The following GALNTL6 variants were observed in gnomAD, a reference collection of about 807,000 sequenced individuals.
GALNTL6 encodes the protein polypeptide N-acetylgalactosaminyltransferase like 6.
In GALNTL6, 46 loss-of-function variants were observed where a neutral mutation model predicts 73.7. That is an observed-to-expected ratio of 0.62 (90% CI 0.49 to 0.80). The LOEUF (loss-of-function observed/expected upper bound fraction) is 0.80, where lower values mean the gene tolerates loss of function less well. GALNTL6 is among the 30% of genes least tolerant of loss of function. The probability of loss-of-function intolerance (pLI) is 0.00; values close to 1 mark genes in which losing one functional copy is unlikely to be tolerated. For synonymous variants in GALNTL6, 259 were observed against 263.7 expected (o/e 0.98, Z 0.17); for missense variants, 604 against 755.0 (o/e 0.80, Z 2.34).
chr4:172,478,594 G>A (rs1733325563), intron 5 of GALNTL6, among the ~76,000 whole-genome samples: 1 of 152,120 alleles, frequency 6.6e-6, no homozygotes, highest in Non-Finnish European at 1.5e-5. Context: ...CTGGACATAG[G>A]CCTAGGCAAA....
chr4:172,069,607 A>ATATAACACATATATGTGT (rs1731491007), intron 2 of GALNTL6, among the ~76,000 whole-genome samples: 1 of 60,720 alleles, frequency 1.6e-5, no homozygotes, highest in Non-Finnish European at 3.6e-5. Flanking sequence ...CATATATGTT[A>ATATAACACATATATGTGT]TATATATATA....
chr4:171,922,151 G>C (rs1469746570), intron 2 of GALNTL6, among the ~76,000 whole-genome samples: 1 of 151,762 alleles, frequency 6.6e-6, no homozygotes, highest in Non-Finnish European at 1.5e-5. Flanking sequence ...TATTCACACT[G>C]GTTTTTCTTT....
At chr4:172,657,343 G>T (rs934676746) in intron 5 of GALNTL6, among the ~76,000 whole-genome samples, 1 of 152,054 alleles carries the variant, frequency 6.6e-6, no homozygotes, top group Non-Finnish European at 1.5e-5. Flanking sequence ...TGATGATTCC[G>T]CAGAACAGCA....
At chr4:172,417,136 G>C (rs983341711) in intron 5 of GALNTL6, among the ~76,000 whole-genome samples, 1 of 151,802 alleles carries the variant, frequency 6.6e-6, no homozygotes, top group East Asian at 1.9e-4. Flanking sequence ...CTAAAAACTC[G>C]GTCATTCCTG....
intron 2 of GALNTL6, among the ~76,000 whole-genome samples, chr4:171,909,874 A>T (rs1737421890): frequency 6.6e-6 from 1 of 152,186 alleles, no homozygotes; most frequent in Non-Finnish European, 1.5e-5. Context: ...TTTGCTGTAG[A>T]TTAAAATAAT....
At chr4:172,995,480 A>T (rs976411276) in intron 10 of GALNTL6, among the ~76,000 whole-genome samples, 2 of 152,218 alleles carry the variant, frequency 1.3e-5, no homozygotes, top group African/African-American at 4.8e-5. Flanking sequence ...CGCAGGTTCA[A>T]GTGGAGCACA....
At position 171,945,660 on chromosome 4, in the gene GALNTL6, T is replaced by A. The variant is rs538328851; in HGVS notation, c.138+130942T>A. Among the ~76,000 whole-genome samples, 5 of 152,240 alleles carry A rather than the reference T, an allele frequency of 3.3e-5. No homozygotes were observed. In the South Asian group the frequency reaches 1.0e-3, roughly 32 times the overall value. On this transcript the variant is annotated intron_variant, in intron 2 of 12. Transcript: ENST00000506823. ...AAGAATTTAAAATAATAGCATGACA[T>A]ACATAAAGTAAGATTTGTTCTTAGG...
chr4:172,466,156 A>G (rs1420198466), intron 5 of GALNTL6, among the ~76,000 whole-genome samples: 3 of 152,208 alleles, frequency 2.0e-5, no homozygotes, highest in Non-Finnish European at 4.4e-5. Context: ...GTGACTGTCT[A>G]GCAAAATCTC....
rs189824971 is a variant in GALNTL6 at position 172,373,057 on chromosome 4, G to A, written c.553+24368G>A. ...AGTACCCTGCTGGCATGAGGCTTCC[G>A]AACTGGTAGCCAAGAGCAAATCATC... On this transcript the variant is annotated intron_variant, in intron 5 of 12. Transcript: ENST00000506823. Among the ~76,000 whole-genome samples, 115 of 152,184 alleles carry A rather than the reference G, an allele frequency of 7.6e-4. No individual in the cohort carries two copies. In the Middle Eastern group the frequency reaches 0.024, roughly 32 times the overall value.
chr4:172,601,865 C>CA (rs1738062316), intron 5 of GALNTL6, among the ~76,000 whole-genome samples: 1 of 150,716 alleles, frequency 6.6e-6, no homozygotes, highest in African/African-American at 2.5e-5. Context: ...CCTGTTAAAG[C>CA]AAAAATCCAA....
At chr4:172,399,456 T>C (rs1200180105) in intron 5 of GALNTL6, among the ~76,000 whole-genome samples, 4 of 151,330 alleles carry the variant, frequency 2.6e-5, no homozygotes, top group Non-Finnish European at 5.9e-5. Context: ...TTCTGAATTA[T>C]CAAGAATTTT....
chr4:172,512,789 C>T (rs1284043746), intron 5 of GALNTL6, among the ~76,000 whole-genome samples: 1 of 152,158 alleles, frequency 6.6e-6, no homozygotes, highest in Non-Finnish European at 1.5e-5. Context: ...TTCTAGCTTG[C>T]AGGGTTTCTG....
chr4:172,731,977 A>G (rs1296635736), intron 5 of GALNTL6, among the ~76,000 whole-genome samples: 2 of 151,992 alleles, frequency 1.3e-5, no homozygotes, highest in Non-Finnish European at 2.9e-5. Flanking sequence ...TATCCTGGAA[A>G]ATGTTCTATA....
intron 5 of GALNTL6, among the ~76,000 whole-genome samples, chr4:172,711,606 G>A (rs1477544750): frequency 6.6e-6 from 1 of 152,116 alleles, no homozygotes; most frequent in Non-Finnish European, 1.5e-5. Context: ...AAAATGATAA[G>A]AGTTCTCCAT....
chr4:172,467,849 T>C (rs976205989), intron 5 of GALNTL6, among the ~76,000 whole-genome samples: 1 of 150,376 alleles, frequency 6.6e-6, no homozygotes, highest in African/African-American at 2.4e-5. Flanking sequence ...TTTCTTTCTT[T>C]CTTTCTTTCT....
At chr4:172,076,595 A>C (rs950123827) in intron 2 of GALNTL6, among the ~76,000 whole-genome samples, 2 of 152,228 alleles carry the variant, frequency 1.3e-5, no homozygotes, top group African/African-American at 4.8e-5. Context: ...AATAATTGCA[A>C]GACATGTGAG....
intron 3 of GALNTL6, among the ~76,000 whole-genome samples, chr4:172,257,382 C>T (rs923323636): frequency 6.6e-6 from 1 of 151,342 alleles, no homozygotes; most frequent in African/African-American, 2.4e-5. Flanking sequence ...TGAATATCTC[C>T]AAGCCTGTAC....
intron 2 of GALNTL6, among the ~76,000 whole-genome samples, chr4:172,128,574 C>T (rs1179799676): frequency 6.6e-6 from 1 of 151,930 alleles, no homozygotes; most frequent in East Asian, 1.9e-4. Flanking sequence ...AGGTTGTGGA[C>T]CATAATTTTG....
chr4:172,166,645 G>A (rs1734633944), intron 2 of GALNTL6, among the ~76,000 whole-genome samples: 1 of 152,062 alleles, frequency 6.6e-6, no homozygotes, highest in Admixed American at 6.6e-5. Context: ...CTTCCTACCA[G>A]TGTTTTTATT....
Sources: gnomAD v4.1 joint callset for allele counts (sites outside exome capture counted in the v4.1 genomes callset) on GRCh38, gnomAD v4.1.1 for gene constraint, MANE v1.5 for transcripts, NCBI Gene and HGNC (gene_info 2026-07-23, HGNC 2026-07-21) for gene names.